The following AHRR variants were observed in gnomAD, a reference collection of about 807,000 sequenced individuals.
AHRR encodes ahR repressor.
Under a neutral mutation model 44.0 loss-of-function variants are expected in AHRR, and 28 were observed. The observed-to-expected ratio is 0.64, with a 90% CI of 0.47 to 0.87. The LOEUF (loss-of-function observed/expected upper bound fraction) is 0.87, where lower values mean the gene tolerates loss of function less well. Ranked by LOEUF, AHRR falls within the 40% of genes least tolerant of loss-of-function variation. The pLI, the probability that AHRR is intolerant of heterozygous loss-of-function variation, is 0.00. For missense variants in AHRR, 990 were observed against 953.9 expected (o/e 1.04, Z -0.50); for synonymous variants, 434 against 407.0 (o/e 1.07, Z -0.80).
chr5:433,921 C>T lies in AHRR; in HGVS notation c.1181C>T (p.Pro394Leu). 1 of 1,535,722 alleles carries T rather than the reference C, an allele frequency of 6.5e-7. No individual in the cohort carries two copies. The highest frequency in any genetic ancestry group is 8.8e-7 in the Non-Finnish European group (1 of 1,141,782). ...GGAGTGACAGGGCGGAGGGAGACTC[C>T]AGGACCCACAAAGCCCCTGCCCTGG... ...ASGVTGRRETPGPTKPLPWTA... is the reference protein window; with the variant it reads ...ASGVTGRRETLGPTKPLPWTA... The change falls in exon 11 of 11, where the codon CCA becomes CTA. Residue 394 changes from proline (P) to leucine (L), a missense_variant. Physicochemically the swap from Pro to Leu is moderately conservative, Grantham distance 98. Transcript: ENST00000684583.
At chr5:401,702 C>T (rs900631678) in intron 4 of AHRR, among the ~76,000 whole-genome samples, 14 of 152,180 alleles carry the variant, frequency 9.2e-5, no homozygotes, top group African/African-American at 2.9e-4. Context: ...ATTTAACCCT[C>T]GCCGCAGCTT....
At chr5:343,181 T>C (rs1049775976) in intron 1 of AHRR, among the ~76,000 whole-genome samples, 2 of 150,340 alleles carry the variant, frequency 1.3e-5, no homozygotes, top group African/African-American at 2.5e-5. Context: ...CCTCTCGGAG[T>C]GACAGGAACA....
intron 4 of AHRR, among the ~76,000 whole-genome samples, chr5:398,330 G>A (rs547676380): frequency 1.4e-4 from 21 of 151,498 alleles, no homozygotes; most frequent in African/African-American, 4.4e-4. Flanking sequence ...CCGACATTCC[G>A]CGTTAGCCCC....
At position 435,380 on chromosome 5, in the gene AHRR, GGCAAATT is replaced by G; in HGVS notation, c.*547_*553del. 2 of 154,260 alleles carry G rather than the reference GGCAAATT, an allele frequency of 1.3e-5. No homozygotes were observed. Among genetic ancestry groups the G allele is most frequent in the Non-Finnish European group, 2.9e-5 (2 of 69,406 alleles). 9.6% of individuals were successfully genotyped at this position (154,260 alleles called of 1,614,324 possible). On this transcript the variant is annotated 3_prime_UTR_variant, in exon 11 of 11. Coordinates refer to ENST00000684583, the MANE Select transcript of AHRR (RefSeq NM_001377236.1). ...CAGTGCACTGTAGAGGCCAGCACAC[GGCAAATT>G]AGAAATACAACACGCGGAGAAAGGG...
chr5:354,800 CGTCT>C (rs1742984621), intron 3 of AHRR, among the ~76,000 whole-genome samples: 1 of 152,180 alleles, frequency 6.6e-6, no homozygotes, highest in African/African-American at 2.4e-5. Flanking sequence ...GGGCGGGGGG[CGTCT>C]GTCTCAGGGT....
intron 3 of AHRR, among the ~76,000 whole-genome samples, chr5:364,835 TATG>T (rs1007706558): frequency 6.6e-6 from 1 of 152,020 alleles, no homozygotes; most frequent in African/African-American, 2.4e-5. Context: ...CTGAAGGAAA[TATG>T]ATGAATCTAT....
chr5:378,592 G>GCTT (rs1733845092), intron 4 of AHRR, among the ~76,000 whole-genome samples: 1 of 152,244 alleles, frequency 6.6e-6, no homozygotes, highest in Admixed American at 6.5e-5. Flanking sequence ...ACAGCCCGTG[G>GCTT]CTTCCCCTGG....
chr5:339,694 G>A (rs779082499), intron 1 of AHRR, among the ~76,000 whole-genome samples: 3 of 152,038 alleles, frequency 2.0e-5, no homozygotes, highest in Non-Finnish European at 2.9e-5. Flanking sequence ...TCTTTATCAC[G>A]TTAATTAAGT....
intron 4 of AHRR, among the ~76,000 whole-genome samples, chr5:380,206 C>T (rs1372234164): frequency 6.6e-6 from 1 of 152,200 alleles, no homozygotes; most frequent in Non-Finnish European, 1.5e-5. Flanking sequence ...AACCTTTTAA[C>T]AATACCACAT....
rs376456003 is a variant in AHRR, at chr5:427,915, G to A, written c.817G>A (p.Val273Ile). Residue 273 changes from valine to isoleucine, a missense_variant, in exon 8 of 11, where the codon GTT (valine) becomes ATT (isoleucine). Coordinates refer to ENST00000684583, the MANE Select transcript of AHRR (RefSeq NM_001377236.1). ...RLSLFCIAAP[V>I]LLPSAAEMKM... ...GTCGCTGTTCTGCATTGCGGCACCC[G>A]TTCTCCTCCCCTCCGCAGCGGAGAT... 189 of 1,614,084 alleles carry A rather than the reference G, an allele frequency of 1.2e-4. No individual in the cohort carries two copies. In the African/African-American group the frequency reaches 2.0e-3, roughly 17 times the overall value.
intron 3 of AHRR, 53 bp from the exon 4 acceptor site, chr5:376,557 A>AACGCGGGGAAACACAGGAAT: frequency 7.0e-7 from 1 of 1,423,184 alleles, no homozygotes; most frequent in Non-Finnish European, 9.5e-7. Flanking sequence ...AATGAAGAAG[A>AACGCGGGGAAACACAGGAAT]GTGGCCAGGC....
At chr5:416,431 T>G (rs6555242) in intron 5 of AHRR, among the ~76,000 whole-genome samples, 46,409 of 152,146 alleles carry the variant, frequency 0.31, 7,458 homozygotes, top group Non-Finnish European at 0.36. Flanking sequence ...TACCACAGAG[T>G]GACATCGCTC....
intron 3 of AHRR, among the ~76,000 whole-genome samples, chr5:367,250 G>A (rs1238058885): frequency 6.6e-6 from 1 of 152,212 alleles, no homozygotes; most frequent in Non-Finnish European, 1.5e-5. Context: ...GAGGCAGGGG[G>A]AGAACGGGAG....
intron 5 of AHRR, among the ~76,000 whole-genome samples, chr5:421,824 G>C (rs985637817): frequency 6.6e-6 from 1 of 152,144 alleles, no homozygotes; most frequent in African/African-American, 2.4e-5. Context: ...GAAGATGCTC[G>C]TCCCTTTAGG....
chr5:438,149 T>C lies in AHRR; in HGVS notation c.*3315T>C, dbSNP rs564917144. Reference sequence around the variant, plus strand: ...CAACTTGTTGAATTTTTAAAACTTATGCACTATAAATGCAACTTTCTCTAC... The same window carrying C: ...CAACTTGTTGAATTTTTAAAACTTACGCACTATAAATGCAACTTTCTCTAC... On this transcript the variant is annotated 3_prime_UTR_variant, in exon 11 of 11. Transcript: ENST00000684583. 2.0e-5 allele frequency: 3 copies of C among 152,532 alleles called. No homozygotes were observed. The highest frequency in any genetic ancestry group is 3.8e-4 in the East Asian group (2 of 5,330). 9.4% of individuals were successfully genotyped at this position (152,532 alleles called of 1,614,324 possible).
chr5:395,905 G>T lies in AHRR; in HGVS notation c.352-17439G>T, dbSNP rs989393879. Among the ~76,000 whole-genome samples, 1 of 152,242 alleles carries T rather than the reference G, an allele frequency of 6.6e-6. No individual in the cohort carries two copies. The highest frequency in any genetic ancestry group is 2.4e-5 in the African/African-American group (1 of 41,458). ...CTTCCTCCAGCTTCCTCCATGCAGT[G>T]ATGTTGCCTGGCTCTAAGGGGCTCC... On this transcript the variant is annotated intron_variant, in intron 4 of 10. Coordinates refer to ENST00000684583, the MANE Select transcript of AHRR (RefSeq NM_001377236.1). The surrounding 1 kb of genome is among the most constrained non-coding windows in gnomAD (Gnocchi z 5.3).
chr5:432,158 C>A, intron 8 of AHRR: 1 of 351,874 alleles, frequency 2.8e-6, no homozygotes, highest in African/African-American at 2.1e-5. Context: ...TCTGGCCTTC[C>A]AGGAAAAAAA....
At position 395,869 on chromosome 5, in the gene AHRR, A is replaced by AT. The variant is rs2126482024; in HGVS notation, c.352-17474dup. Among the ~76,000 whole-genome samples the AT allele has an allele frequency of 6.6e-6, 1 of 152,284 alleles. No homozygotes were observed. Among genetic ancestry groups the AT allele is most frequent in the East Asian group, 1.9e-4 (1 of 5,174 alleles). On this transcript the variant is annotated intron_variant, in intron 4 of 10. Coordinates refer to ENST00000684583, the MANE Select transcript of AHRR (RefSeq NM_001377236.1). The surrounding 1 kb of genome is among the most constrained non-coding windows in gnomAD (Gnocchi z 5.3). ...GGGAACAGGAGGTGAAGCAAAAGGG[A>AT]TGAGCGTCCCCTTCCTCCAGCTTCC...
chr5:353,429 T>A (rs929150475), intron 2 of AHRR, among the ~76,000 whole-genome samples: 3 of 152,096 alleles, frequency 2.0e-5, no homozygotes, highest in African/African-American at 4.8e-5. Flanking sequence ...GGTGGAGAAA[T>A]GTGCCTGTCC....
Sources: gnomAD v4.1 joint callset for allele counts (sites outside exome capture counted in the v4.1 genomes callset) on GRCh38, gnomAD v4.1.1 for gene constraint, Gnocchi (gnomAD v3.1) non-coding constraint, MANE v1.5 for transcripts, NCBI Gene and HGNC (gene_info 2026-07-23, HGNC 2026-07-21) for gene names.